Variants in ASAH1 observed in about 807,000 individuals in gnomAD.
ASAH1 encodes the protein N-acylsphingosine amidohydrolase 1, also known as acid ceramidase.
ASAH1 carries 70 observed loss-of-function variants against 59.5 expected under a neutral mutation model. The ratio of observed to expected loss-of-function variants is 1.18; its 90% CI spans 0.97 to 1.43. The LOEUF is 1.43. Ranked by LOEUF, ASAH1 falls within the 40% of genes most tolerant of loss-of-function variation. The probability of loss-of-function intolerance (pLI) is 0.00; values close to 1 mark genes in which losing one functional copy is unlikely to be tolerated. For missense variants in ASAH1, 660 were observed against 482.5 expected (o/e 1.37, Z -3.45); for synonymous variants, 213 against 166.5 (o/e 1.28, Z -2.15).
intron 2 of ASAH1, chr8:18,073,212 A>C (rs1564548357): frequency 6.6e-7 from 1 of 1,516,904 alleles, no homozygotes; most frequent in Non-Finnish European, 9.1e-7. Context: ...TCAGTATTTA[A>C]CTTGTGCGCC....
At chr8:18,058,398 T>G (rs1336053767) in intron 13 of ASAH1, 2 of 164,392 alleles carry the variant, frequency 1.2e-5, no homozygotes, top group African/African-American at 4.8e-5. Context: ...ATAGGAAACT[T>G]TTTGCATTTT....
In ASAH1 at chr8:18,058,871, C is replaced by G. The variant is rs1177139631; in HGVS notation, c.1062G>C (p.Met354Ile). The G allele has an allele frequency of 6.2e-7, 1 of 1,612,482 alleles. No individual in the cohort carries two copies. Among genetic ancestry groups the G allele is most frequent in the Non-Finnish European group, 8.5e-7 (1 of 1,178,648 alleles). Residue 354 changes from methionine to isoleucine, a missense_variant, in exon 13 of 14, where the codon ATG becomes ATC. By Grantham distance (10) the Met-to-Ile change is conservative. Coordinates refer to ENST00000637790, the MANE Select transcript of ASAH1 (RefSeq NM_177924.5). ...TSQENISFET[M>I]YDVLSTKPVL... ...CAGGTTTTGTTGACAGGACATCATACATGGTTTCAAATGAGATATTCTAAA... is the reference window on the plus strand; with the variant it reads ...CAGGTTTTGTTGACAGGACATCATAGATGGTTTCAAATGAGATATTCTAAA...
chr8:18,063,209 T>G lies in ASAH1; in HGVS notation c.479A>C (p.Asn160Thr), dbSNP rs1799780054. 1 of 1,613,778 alleles carries G rather than the reference T, an allele frequency of 6.2e-7. No individual in the cohort carries two copies. The highest frequency in any genetic ancestry group is 1.3e-5 in the African/African-American group (1 of 74,926). ...CCCAAGAAATACTCCAAAATCCATG[T>G]TTCTCCCATGTATTAGATGACCTAT... Reference protein sequence around the residue: ...DKKGHLIHGRNMDFGVFLGWN... With the variant: ...DKKGHLIHGRTMDFGVFLGWN... The change falls in exon 7 of 14, where the codon AAC (asparagine) becomes ACC (threonine). Residue 160 changes from asparagine to threonine, a missense_variant. Asn to Thr is a moderately conservative substitution (Grantham distance 65, BLOSUM62 0). Coordinates refer to ENST00000637790, the MANE Select transcript of ASAH1 (RefSeq NM_177924.5).
chr8:18,084,882 G>C (rs1800833790), upstream of ASAH1: 4 of 1,573,326 alleles, frequency 2.5e-6, no homozygotes, highest in Non-Finnish European at 2.6e-6. Context: ...GCGGACGCGA[G>C]TAGCTCGGCA....
At chr8:18,067,127 A>ACAGCACCTGTGCTGTATATCTAAGACATT in intron 5 of ASAH1, 93 bp downstream of exon 5, 2 of 560,552 alleles carry the variant, frequency 3.6e-6, no homozygotes, top group Non-Finnish European at 4.8e-6. Context: ...TCTAAGACAT[A>ACAGCACCTGTGCTGTATATCTAAGACATT]CAGCACCTGT....
rs897374759 is a variant in ASAH1, at chr8:18,057,161, G to A, written c.*373C>T. On this transcript the variant is annotated 3_prime_UTR_variant, in exon 14 of 14. Transcript: ENST00000637790. ...AACTGAAGAATGTGGAGTGTTTACT[G>A]TCCCGTTACTCACACAGACGTGCTG... 15 of 236,124 alleles carry A rather than the reference G, an allele frequency of 6.4e-5. No homozygotes were observed. The highest frequency in any genetic ancestry group is 1.3e-4 in the Non-Finnish European group (15 of 115,482). The allele number at this position is 236,124 out of a possible 1,614,324, so 14.6% of individuals were successfully genotyped here.
At chr8:18,082,528 T>G (rs1174266514) in intron 1 of ASAH1, 1 of 152,124 alleles carries the variant, frequency 6.6e-6, no homozygotes, top group South Asian at 2.1e-4. Context: ...CAAGGGCACC[T>G]GCAACGCACA....
chr8:18,062,787 C>T (rs1403929087), intron 7 of ASAH1: 4 of 375,258 alleles, frequency 1.1e-5, no homozygotes, highest in Admixed American at 4.3e-5. Context: ...CTTATGATCA[C>T]ATTTTGGGTG....
intron 3 of ASAH1, among the ~76,000 whole-genome samples, chr8:18,070,297 G>GCC (rs2117058237): frequency 1.3e-5 from 2 of 152,292 alleles, no homozygotes; most frequent in Admixed American, 1.3e-4. Flanking sequence ...CTACAGGCAT[G>GCC]CACCACCATG....
intron 13 of ASAH1, 62 bp downstream of exon 13, chr8:18,058,773 G>T: frequency 5.7e-6 from 8 of 1,410,570 alleles, no homozygotes; most frequent in Non-Finnish European, 8.0e-6. Context: ...AACAGAGAAA[G>T]ATAAAACATA....
Position 18,066,802 on chromosome 8 carries a change from C to T in ASAH1, c.382+418G>A, listed in dbSNP as rs952031793. The stretch of plus-strand genomic sequence containing the variant: ...TATAATTCCTTTATTGTTAATATCA[C>T]AAATCTGAAAACCACCCAAATACCC... On this transcript the variant is annotated intron_variant, in intron 5 of 13. Transcript: ENST00000637790. 27 of 207,374 alleles carry T rather than the reference C, an allele frequency of 1.3e-4. 1 individual carries two copies. Among genetic ancestry groups the T allele is most frequent in the Admixed American group, 3.6e-4 (6 of 16,650 alleles). The allele number at this position is 207,374 out of a possible 1,614,324, so 12.8% of individuals were successfully genotyped here.
intron 6 of ASAH1, chr8:18,064,159 T>A (rs1564540201): frequency 3.8e-6 from 2 of 526,432 alleles, no homozygotes; most frequent in South Asian, 3.0e-5. Flanking sequence ...AGCACTTCCA[T>A]CAAAGCATGT....
chr8:18,059,987 G>T (rs1371341864), intron 10 of ASAH1: 1 of 354,234 alleles, frequency 2.8e-6, no homozygotes, highest in African/African-American at 2.1e-5. Flanking sequence ...GTGTTCACGT[G>T]TTCTCTTTGT....
At chr8:18,058,737 CT>C in intron 13 of ASAH1, 97 bp downstream of exon 13, 9 of 1,130,232 alleles carry the variant, frequency 8.0e-6, no homozygotes, top group Non-Finnish European at 1.2e-5. Context: ...CTGAACACAC[CT>C]TTTGTGCTCA....
intron 5 of ASAH1, chr8:18,064,894 C>A: frequency 5.5e-6 from 1 of 180,884 alleles, no homozygotes; most frequent in Non-Finnish European, 1.2e-5. Context: ...ATATATTTTG[C>A]CCAGATTTTT....
intron 2 of ASAH1, among the ~76,000 whole-genome samples, chr8:18,074,978 T>C (rs968210340): frequency 2.6e-5 from 4 of 151,848 alleles, no homozygotes; most frequent in African/African-American, 7.3e-5. Context: ...ACAGGAGAAT[T>C]GAGTGGAGAA....
intron 1 of ASAH1, among the ~76,000 whole-genome samples, chr8:18,079,812 C>A (rs772664883): frequency 6.6e-6 from 1 of 152,170 alleles, no homozygotes; most frequent in Non-Finnish European, 1.5e-5. Flanking sequence ...ATGTACAACT[C>A]AGCAGAAACA....
At chr8:18,062,250 G>T (rs370655492) in intron 8 of ASAH1, 29 bp downstream of exon 8, 9 of 1,613,790 alleles carry the variant, frequency 5.6e-6, no homozygotes, top group Non-Finnish European at 7.6e-6. Flanking sequence ...AAGGCTACCT[G>T]TATAATTATG....
At chr8:18,067,102 CACCTGT>C in intron 5 of ASAH1, 112 bp downstream of exon 5, 1 of 928,266 alleles carries the variant, frequency 1.1e-6, no homozygotes, top group Non-Finnish European at 1.5e-6. Context: ...AAGACCTGTG[CACCTGT>C]GCTGTATATC....
Sources: gnomAD v4.1 joint callset for allele counts (sites outside exome capture counted in the v4.1 genomes callset) on GRCh38, gnomAD v4.1.1 for gene constraint, MANE v1.5 for transcripts, NCBI Gene and HGNC (gene_info 2026-07-23, HGNC 2026-07-21) for gene names.